The following DDX23 variants were observed in gnomAD, a reference collection of about 807,000 sequenced individuals.
DDX23 encodes the protein DEAD-box helicase 23.
In DDX23, 33 loss-of-function variants were observed where a neutral mutation model predicts 102.7. That is an observed-to-expected ratio of 0.32 (90% CI 0.24 to 0.43). DDX23 has a LOEUF of 0.43. DDX23 is among the 20% of genes least tolerant of loss of function. The probability of loss-of-function intolerance (pLI) is 1.00; values close to 1 mark genes in which losing one functional copy is unlikely to be tolerated. For missense variants in DDX23, 549 were observed against 1,086.6 expected, an observed-to-expected ratio of 0.51 and a Z score of 6.96; for synonymous variants, 352 against 376.0, an observed-to-expected ratio of 0.94 and a Z score of 0.74.
intron 12 of DDX23, 58 bp from the exon 13 acceptor site, chr12:48,833,577 G>A: frequency 6.3e-7 from 1 of 1,580,538 alleles, no homozygotes; most frequent in Non-Finnish European, 8.6e-7. Flanking sequence ...TTTCTTTCCT[G>A]TGAACTATCC....
At chr12:48,849,155 G>T (rs1319444179) in intron 1 of DDX23, among the ~76,000 whole-genome samples, 1 of 152,004 alleles carries the variant, frequency 6.6e-6, no homozygotes, top group Non-Finnish European at 1.5e-5. Flanking sequence ...GCCTCCCAAA[G>T]TGCTGGTATT....
At chr12:48,843,095 G>A (rs1344334237) in intron 3 of DDX23, among the ~76,000 whole-genome samples, 5 of 149,682 alleles carry the variant, frequency 3.3e-5, no homozygotes, top group African/African-American at 1.2e-4. Flanking sequence ...GATGCTTGAA[G>A]GCAGCATGCT....
intron 5 of DDX23, among the ~76,000 whole-genome samples, chr12:48,838,819 C>T (rs1938502538): frequency 6.6e-6 from 1 of 151,998 alleles, no homozygotes; most frequent in Non-Finnish European, 1.5e-5. Flanking sequence ...TGCCACTGCA[C>T]TCCAGCCTGG....
chr12:48,843,393 G>A (rs1373444553), intron 3 of DDX23, among the ~76,000 whole-genome samples: 2 of 151,656 alleles, frequency 1.3e-5, no homozygotes, highest in East Asian at 1.9e-4. Flanking sequence ...AAGCCTGGGG[G>A]AGTCAAGGCT....
At chr12:48,841,206 A>G (rs2137488950) in intron 3 of DDX23, among the ~76,000 whole-genome samples, 1 of 152,072 alleles carries the variant, frequency 6.6e-6, no homozygotes, top group Admixed American at 6.5e-5. Context: ...GCCAACATGG[A>G]GAAACCCTGT....
At chr12:48,850,326 T>G (rs569952050) in intron 1 of DDX23, among the ~76,000 whole-genome samples, 29 of 152,210 alleles carry the variant, frequency 1.9e-4, no homozygotes, top group Non-Finnish European at 3.8e-4. Context: ...AGCAACCTAA[T>G]AGTTTGTGGT....
chr12:48,829,942 T>C lies in DDX23; in HGVS notation c.*527A>G, dbSNP rs140121807. 2.9e-6 allele frequency: 1 copy of C among 345,218 alleles called. No homozygotes were observed. Among genetic ancestry groups the C allele is most frequent in the African/African-American group, 2.1e-5 (1 of 46,682 alleles). The allele number at this position is 345,218 out of a possible 1,614,324, so 21.4% of individuals were successfully genotyped here. A position where few individuals can be genotyped will look rare whatever the true frequency, so the allele number is the denominator to read the frequency against. On this transcript the variant is annotated 3_prime_UTR_variant, in exon 17 of 17. Transcript: ENST00000308025. ...CATACAGCACCCCTTGGTGCGGGGC[T>C]GTGCACAGGTCTAAAGACTCTCAAC... is the stretch of plus-strand genomic sequence containing the variant.
At chr12:48,841,855 G>A (rs1166306656) in intron 3 of DDX23, among the ~76,000 whole-genome samples, 61 of 151,984 alleles carry the variant, frequency 4.0e-4, no homozygotes, top group Admixed American at 3.8e-3. Context: ...CCAAAGTGCC[G>A]AGATTGCAGC....
Position 48,837,741 on chromosome 12 carries a change from C to T in DDX23, c.620-84G>A, listed in dbSNP as rs1167162804. 4 of 1,566,548 alleles carry T rather than the reference C, an allele frequency of 2.6e-6. No individual in the cohort carries two copies. The Admixed American group carries it at 8.0e-5, about 31-fold the overall frequency. On this transcript the variant is annotated intron_variant, in intron 6 of 16. Coordinates refer to ENST00000308025, the MANE Select transcript of DDX23 (RefSeq NM_004818.3). ...ATGGAGGGAATCCAGACGAGGAACC[C>T]CAAATGAAGAAAAAAAGGGGTAGAC...
chr12:48,835,311 GC>G lies in DDX23; in HGVS notation c.1382+809del, dbSNP rs573575115. 102 of 158,098 alleles carry G rather than the reference GC, an allele frequency of 6.5e-4. 2 individuals are homozygous for G. The South Asian group carries it at 0.016, about 25-fold the overall frequency. 9.8% of individuals were successfully genotyped at this position (158,098 alleles called of 1,614,324 possible). A position where few individuals can be genotyped will look rare whatever the true frequency, so the allele number is the denominator to read the frequency against. Reference sequence around the variant, plus strand: ...GATTCAGCCAGGTGCAGTGGTTCACGCCTGTAATCCCAGCACTTTGGGAGGC... The same window carrying G: ...GATTCAGCCAGGTGCAGTGGTTCACGCTGTAATCCCAGCACTTTGGGAGGC... On this transcript the variant is annotated intron_variant, in intron 11 of 16. Coordinates refer to ENST00000308025, the MANE Select transcript of DDX23 (RefSeq NM_004818.3).
intron 5 of DDX23, 199 bp downstream of exon 5, chr12:48,839,645 A>G (rs1291479110): frequency 3.5e-6 from 2 of 569,434 alleles, no homozygotes; most frequent in Non-Finnish European, 6.2e-6. Context: ...AGGGAGGACC[A>G]TGTGAAGAGC....
intron 11 of DDX23, chr12:48,835,224 A>C: frequency 4.8e-6 from 1 of 206,890 alleles, no homozygotes; most frequent in Non-Finnish European, 1.0e-5. Flanking sequence ...CCTAGACAAT[A>C]GAGCGAGACT....
Position 48,840,072 on chromosome 12 carries a change from G to A in DDX23, c.355C>T (p.Arg119Trp), listed in dbSNP as rs745356530. The change falls in exon 4 of 17, where the codon CGG becomes TGG. Residue 119 changes from arginine to tryptophan, a missense_variant. Physicochemically the swap from Arg to Trp is moderately radical, Grantham distance 101. Transcript: ENST00000308025. ...SPGRGKDFKS[R>W]KDRDSKKDEE... ...TCCTTCTTAGAGTCTCTGTCCTTCC[G>A]AGATTTAAAGTCTTTTCCTCGACCA... 60 of 1,613,890 alleles carry A rather than the reference G, an allele frequency of 3.7e-5. No homozygotes were observed. The highest frequency in any genetic ancestry group is 4.7e-5 in the Non-Finnish European group (56 of 1,179,982).
chr12:48,841,495 C>T (rs1017771955), intron 3 of DDX23, among the ~76,000 whole-genome samples: 2 of 152,222 alleles, frequency 1.3e-5, no homozygotes, highest in Non-Finnish European at 2.9e-5. Flanking sequence ...TTTCCATGGT[C>T]TCCCTCTGAT....
intron 4 of DDX23, 22 bp downstream of exon 4, chr12:48,839,991 A>C: frequency 6.2e-7 from 1 of 1,613,016 alleles, no homozygotes; most frequent in Non-Finnish European, 8.5e-7. Context: ...TGAAGATGAA[A>C]AATATCCTTC....
chr12:48,830,761 C>A lies in DDX23; in HGVS notation c.2240-69G>T. The A allele has an allele frequency of 8.5e-6, 12 of 1,415,782 alleles. No individual in the cohort carries two copies. Among genetic ancestry groups the A allele is most frequent in the Non-Finnish European group, 1.2e-5 (12 of 1,035,384 alleles). The allele number at this position is 1,415,782 out of a possible 1,614,324, so 87.7% of individuals were successfully genotyped here. A position where few individuals can be genotyped will look rare whatever the true frequency, so the allele number is the denominator to read the frequency against. On this transcript the variant is annotated intron_variant, in intron 16 of 16. Transcript: ENST00000308025. The surrounding 1 kb of genome is among the most constrained non-coding windows in gnomAD (Gnocchi z 4.9). Reference sequence around the variant, plus strand: ...TGGGGAGCCGTGTCTGATGCCTCCACTTCTAGAGGCATCCTTCCCACCCCA... The same window carrying A: ...TGGGGAGCCGTGTCTGATGCCTCCAATTCTAGAGGCATCCTTCCCACCCCA...
chr12:48,848,432 A>G (rs1338085115), intron 1 of DDX23, among the ~76,000 whole-genome samples: 1 of 152,230 alleles, frequency 6.6e-6, no homozygotes, highest in African/African-American at 2.4e-5. Flanking sequence ...GGGTAGGGGT[A>G]TAACAAGAGA....
chr12:48,845,282 C>G (rs967044325), intron 2 of DDX23, among the ~76,000 whole-genome samples: 1 of 151,896 alleles, frequency 6.6e-6, no homozygotes, highest in East Asian at 1.9e-4. Context: ...AACCTCATCT[C>G]TACTAAAAAT....
intron 3 of DDX23, among the ~76,000 whole-genome samples, chr12:48,841,461 C>CTT (rs1938549546): frequency 1.3e-5 from 2 of 152,238 alleles, no homozygotes; most frequent in South Asian, 4.1e-4. Flanking sequence ...TCTCCCCTCT[C>CTT]CCCACGGTCT....
Sources: gnomAD v4.1 joint callset for allele counts (sites outside exome capture counted in the v4.1 genomes callset) on GRCh38, gnomAD v4.1.1 for gene constraint, Gnocchi (gnomAD v3.1) non-coding constraint, MANE v1.5 for transcripts, NCBI Gene and HGNC (gene_info 2026-07-23, HGNC 2026-07-21) for gene names.